Variants in APLF observed in about 807,000 individuals in gnomAD.
APLF encodes aprataxin and PNK-like factor.
A neutral mutation model predicts 55.6 loss-of-function variants in APLF; 61 were observed. That is an observed-to-expected ratio of 1.10 (90% CI 0.89 to 1.36). APLF has a LOEUF of 1.36. APLF is among the 40% of genes most tolerant of loss of function. The pLI is 0.00. For synonymous variants in APLF, 207 were observed against 214.8 expected (o/e 0.96, Z 0.32); for missense variants, 611 against 602.5 (o/e 1.01, Z -0.15).
chr2:68,533,042 G>A (rs1056426854), intron 6 of APLF, among the ~76,000 whole-genome samples: 3 of 152,220 alleles, frequency 2.0e-5, no homozygotes, highest in African/African-American at 7.2e-5. Flanking sequence ...CCTGGGTGAC[G>A]TAAGGAGACC....
At chr2:68,542,031 C>G (rs1177706911) in intron 7 of APLF, among the ~76,000 whole-genome samples, 1 of 152,038 alleles carries the variant, frequency 6.6e-6, no homozygotes, top group Non-Finnish European at 1.5e-5. Context: ...CAAGACAAAT[C>G]AAAGAGGAAA....
chr2:68,487,701 C>T (rs940759121), intron 1 of APLF, among the ~76,000 whole-genome samples: 9 of 151,990 alleles, frequency 5.9e-5, no homozygotes, highest in Admixed American at 5.9e-4. Context: ...GTCACTTGCT[C>T]CCCACCCCTC....
At chr2:68,552,299 A>G (rs1670890054) in intron 8 of APLF, among the ~76,000 whole-genome samples, 1 of 152,086 alleles carries the variant, frequency 6.6e-6, no homozygotes, top group Admixed American at 6.6e-5. Flanking sequence ...CTTGGGAAAA[A>G]TCAGCTTTGT....
chr2:68,489,105 A>G (rs527933247), intron 1 of APLF, among the ~76,000 whole-genome samples: 1 of 151,790 alleles, frequency 6.6e-6, no homozygotes, highest in African/African-American at 2.4e-5. Flanking sequence ...TAGATTGTGA[A>G]AAATTCATTC....
intron 1 of APLF, among the ~76,000 whole-genome samples, chr2:68,477,958 G>A (rs990268986): frequency 2.6e-5 from 4 of 151,872 alleles, no homozygotes; most frequent in Non-Finnish European, 5.9e-5. Context: ...ACAATACAAG[G>A]TGAGATTTGG....
intron 2 of APLF, among the ~76,000 whole-genome samples, chr2:68,490,679 CTT>C (rs1276987217): frequency 6.6e-6 from 1 of 152,152 alleles, no homozygotes; most frequent in Non-Finnish European, 1.5e-5. Flanking sequence ...AAAACTTAGA[CTT>C]TGTTCAACTT....
chr2:68,475,157 A>C (rs1675732915), intron 1 of APLF, among the ~76,000 whole-genome samples: 1 of 152,242 alleles, frequency 6.6e-6, no homozygotes, highest in Non-Finnish European at 1.5e-5. Context: ...TGGTGCTTTA[A>C]ACCCACTTTT....
intron 8 of APLF, among the ~76,000 whole-genome samples, chr2:68,545,768 G>T (rs1367259798): frequency 6.6e-6 from 1 of 152,116 alleles, no homozygotes; most frequent in Non-Finnish European, 1.5e-5. Context: ...ATGGCATCTT[G>T]TCCTTGTCCG....
At chr2:68,490,387 C>A in intron 2 of APLF, 126 bp downstream of exon 2, 3 of 600,112 alleles carry the variant, frequency 5.0e-6, no homozygotes, top group South Asian at 3.4e-5. Context: ...CTTCTCATTG[C>A]CAGAAAATAA....
intron 8 of APLF, among the ~76,000 whole-genome samples, chr2:68,562,605 G>C (rs917917508): frequency 6.6e-6 from 1 of 151,988 alleles, no homozygotes; most frequent in African/African-American, 2.4e-5. Context: ...ATTTCCCAGT[G>C]ATTATTAAAG....
intron 1 of APLF, among the ~76,000 whole-genome samples, chr2:68,479,410 A>C (rs1675882643): frequency 6.6e-6 from 1 of 152,220 alleles, no homozygotes; most frequent in Admixed American, 6.5e-5. Flanking sequence ...GAGATTGTGG[A>C]TATGGCCAAA....
intron 2 of APLF, among the ~76,000 whole-genome samples, chr2:68,494,989 G>A (rs994808280): frequency 1.3e-5 from 2 of 152,032 alleles, no homozygotes; most frequent in African/African-American, 4.8e-5. Context: ...TGCACTATTT[G>A]GAAGATAGCA....
At chr2:68,524,986 G>T (rs1370716682) in intron 5 of APLF, among the ~76,000 whole-genome samples, 1 of 152,154 alleles carries the variant, frequency 6.6e-6, no homozygotes, top group Non-Finnish European at 1.5e-5. Flanking sequence ...TACTTTATCA[G>T]CAAAGTCTGT....
chr2:68,525,750 T>C (rs1299745003), intron 5 of APLF, among the ~76,000 whole-genome samples: 6 of 130,050 alleles, frequency 4.6e-5, no homozygotes, highest in East Asian at 2.1e-4. Flanking sequence ...TTCTTTTTTT[T>C]TTTTTTTTTT....
chr2:68,488,141 T>C (rs1676241540), intron 1 of APLF, among the ~76,000 whole-genome samples: 1 of 152,078 alleles, frequency 6.6e-6, no homozygotes, highest in Admixed American at 6.5e-5. Context: ...TTATATGCCA[T>C]AGTTTTATAT....
chr2:68,573,569 A>G (rs113352101), intron 9 of APLF, among the ~76,000 whole-genome samples: 3,657 of 151,138 alleles, frequency 0.024, 143 homozygotes, highest in African/African-American at 0.085. Flanking sequence ...GCTACTCAGG[A>G]GGCTGAGGCA....
chr2:68,497,444 C>T (rs1004898054), intron 2 of APLF, among the ~76,000 whole-genome samples: 1 of 152,028 alleles, frequency 6.6e-6, no homozygotes, highest in African/African-American at 2.4e-5. Context: ...AGCACCTCCC[C>T]CTTCTCTCTC....
intron 9 of APLF, among the ~76,000 whole-genome samples, chr2:68,574,080 TAAAA>T (rs74533891): frequency 7.7e-6 from 1 of 129,618 alleles, no homozygotes; most frequent in Admixed American, 7.7e-5. Context: ...TAACCCAAAT[TAAAA>T]AAAAAAAAAA....
In APLF at chr2:68,533,129, G is replaced by A. The variant is rs1366966187; in HGVS notation, c.805-4743G>A. Among the ~76,000 whole-genome samples, 4 of 152,080 alleles carry A rather than the reference G, an allele frequency of 2.6e-5. No homozygotes were observed. In the South Asian group the frequency reaches 8.3e-4, roughly 32 times the overall value. On this transcript the variant is annotated intron_variant, in intron 6 of 9. Transcript: ENST00000303795. ...TCTTTCACTCTTCTGCCATATAAGG[G>A]CACAGCATTCATCCTTTCATGCCCT...
Sources: allele counts gnomAD v4.1 joint callset (sites outside exome capture counted in the v4.1 genomes callset), GRCh38; gene constraint gnomAD v4.1.1; transcripts MANE v1.5; gene names NCBI Gene and HGNC (gene_info 2026-07-23, HGNC 2026-07-21).